The following NRXN1 variants were observed in gnomAD, a reference collection of about 807,000 sequenced individuals.
NRXN1 encodes the protein neurexin 1, also known as neurexin-1.
In NRXN1, 39 loss-of-function variants were observed where a neutral mutation model predicts 150.9. The ratio of observed to expected loss-of-function variants is 0.26; its 90% CI spans 0.20 to 0.34. The LOEUF (loss-of-function observed/expected upper bound fraction) is 0.34. Among genes scored for constraint, NRXN1 ranks in the 10% least tolerant of loss-of-function variants. NRXN1 has a pLI of 1.00. For synonymous variants in NRXN1, 924 were observed against 757.0 expected (o/e 1.22, Z -3.62); for missense variants, 1,815 against 1,949.9 (o/e 0.93, Z 1.30).
chr2:50,375,286 T>C (rs955017792), intron 17 of NRXN1, among the ~76,000 whole-genome samples: 15 of 151,718 alleles, frequency 9.9e-5, no homozygotes, highest in African/African-American at 3.1e-4. Context: ...ATGATAGTAA[T>C]TTACCTAACT....
chr2:50,510,369 C>T (rs1386145245), intron 12 of NRXN1, among the ~76,000 whole-genome samples: 1 of 150,744 alleles, frequency 6.6e-6, no homozygotes, highest in Non-Finnish European at 1.5e-5. Context: ...ACCCGTAATC[C>T]CAGCTACTCA....
At chr2:50,900,851 C>A (rs1682837687) in intron 5 of NRXN1, among the ~76,000 whole-genome samples, 1 of 152,150 alleles carries the variant, frequency 6.6e-6, no homozygotes, top group Non-Finnish European at 1.5e-5. Flanking sequence ...CTGGATTAGA[C>A]TGAGCTCACT....
intron 18 of NRXN1, among the ~76,000 whole-genome samples, chr2:50,124,357 G>T (rs1019827145): frequency 6.6e-6 from 1 of 152,074 alleles, no homozygotes; most frequent in Non-Finnish European, 1.5e-5. Flanking sequence ...AGTCAAATTT[G>T]AAAGTTATTT....
chr2:50,366,405 A>G (rs2079586712), intron 17 of NRXN1, among the ~76,000 whole-genome samples: 1 of 151,874 alleles, frequency 6.6e-6, no homozygotes, highest in Non-Finnish European at 1.5e-5. Flanking sequence ...TCCTTGGCTC[A>G]CTAGATGGGG....
intron 19 of NRXN1, among the ~76,000 whole-genome samples, chr2:50,063,547 GACACACACACACAC>G (rs3046664): frequency 2.7e-4 from 37 of 137,598 alleles, no homozygotes; most frequent in African/African-American, 8.7e-4. Context: ...CACCTCAACA[GACACACACACACAC>G]ACACACACAC....
intron 16 of NRXN1, among the ~76,000 whole-genome samples, chr2:50,470,416 T>C (rs2089345979): frequency 6.6e-6 from 1 of 151,776 alleles, no homozygotes; most frequent in African/African-American, 2.4e-5. Flanking sequence ...AAAAATGAAC[T>C]CAACAACACC....
At chr2:51,022,503 T>C (rs1275513750) in intron 2 of NRXN1, among the ~76,000 whole-genome samples, 1 of 152,182 alleles carries the variant, frequency 6.6e-6, no homozygotes, top group Non-Finnish European at 1.5e-5. Flanking sequence ...GTTTTTATTA[T>C]TACCTCATAG....
intron 17 of NRXN1, among the ~76,000 whole-genome samples, chr2:50,313,124 A>T (rs1165608636): frequency 1.3e-5 from 2 of 152,102 alleles, no homozygotes; most frequent in East Asian, 3.9e-4. Context: ...TTTTTTTCTG[A>T]TGAAGTCGAC....
intron 5 of NRXN1, among the ~76,000 whole-genome samples, chr2:50,844,600 AT>A (rs1339740328): frequency 6.6e-6 from 1 of 152,220 alleles, no homozygotes; most frequent in Non-Finnish European, 1.5e-5. Flanking sequence ...GTGTGTGCAG[AT>A]TAGTGGGAAA....
At chr2:50,176,644 G>T (rs891605064) in intron 18 of NRXN1, among the ~76,000 whole-genome samples, 2 of 152,038 alleles carry the variant, frequency 1.3e-5, no homozygotes, top group African/African-American at 4.8e-5. Flanking sequence ...GGCATATAAA[G>T]GTCTGGAAAT....
At chr2:50,712,630 A>G (rs1241119399) in intron 5 of NRXN1, among the ~76,000 whole-genome samples, 2 of 152,184 alleles carry the variant, frequency 1.3e-5, no homozygotes, top group African/African-American at 4.8e-5. Flanking sequence ...TTGTCTGTTA[A>G]TACCAAAAAT....
chr2:50,994,304 T>A (rs1698964882), intron 2 of NRXN1, among the ~76,000 whole-genome samples: 1 of 151,988 alleles, frequency 6.6e-6, no homozygotes, highest in African/African-American at 2.4e-5. Flanking sequence ...AAGGCTACAT[T>A]TCCATTATAT....
chr2:50,911,756 CA>C (rs1454571269), intron 5 of NRXN1, among the ~76,000 whole-genome samples: 1 of 151,882 alleles, frequency 6.6e-6, no homozygotes, highest in African/African-American at 2.4e-5. Flanking sequence ...GTGGGCATTA[CA>C]TACAAAGTTT....
chr2:50,885,901 T>A (rs1003742286), intron 5 of NRXN1, among the ~76,000 whole-genome samples: 1 of 150,536 alleles, frequency 6.6e-6, no homozygotes, highest in South Asian at 2.1e-4. Context: ...AGAAGTACAT[T>A]TTAGTTAATT....
rs201847846 is a variant in NRXN1, at chr2:51,028,198, C to G, written c.76G>C (p.Glu26Gln). 10 of 1,495,404 alleles carry G rather than the reference C, an allele frequency of 6.7e-6. No homozygotes were observed. Among genetic ancestry groups the G allele is most frequent in the Non-Finnish European group, 8.9e-6 (10 of 1,128,396 alleles). The allele number at this position is 1,495,404 out of a possible 1,614,324, so 92.6% of individuals were successfully genotyped here. ...GGAAACTCCAGCCCGCTGCCCAGCT[C>G]CGCCCAGCAGCCCAGGAGCAGCAGC... Reference protein sequence around the residue: ...LSLLLLGCWAELGSGLEFPGA... With the variant: ...LSLLLLGCWAQLGSGLEFPGA... The change falls in exon 2 of 23, where the codon GAG becomes CAG. Residue 26 changes from glutamate (E) to glutamine (Q), a missense_variant. Glu to Gln is a conservative substitution (Grantham distance 29). Transcript: ENST00000401669.
intron 22 of NRXN1, among the ~76,000 whole-genome samples, chr2:49,928,456 G>A (rs2104128222): frequency 6.6e-6 from 1 of 152,196 alleles, no homozygotes; most frequent in South Asian, 2.1e-4. Context: ...AATAGATGTG[G>A]AAGTTATTAT....
intron 17 of NRXN1, among the ~76,000 whole-genome samples, chr2:50,264,417 T>C (rs1457412196): frequency 6.6e-6 from 1 of 152,016 alleles, no homozygotes; most frequent in African/African-American, 2.4e-5. Flanking sequence ...GCAATATCCA[T>C]GTACAGGTAA....
At position 50,730,104 on chromosome 2, in the gene NRXN1, T is replaced by A. The variant is rs1261255562; in HGVS notation, c.833-106489A>T. Reference sequence around the variant, plus strand: ...TATTATTAATAGAAGCAGGCCAGTATCTAAAGGATGACATTGAAGAAGAGT... The same window carrying A: ...TATTATTAATAGAAGCAGGCCAGTAACTAAAGGATGACATTGAAGAAGAGT... On this transcript the variant is annotated intron_variant, in intron 5 of 22. Coordinates refer to ENST00000401669, the MANE Select transcript of NRXN1 (RefSeq NM_001330078.2). Among the ~76,000 whole-genome samples the A allele has an allele frequency of 2.0e-5, 3 of 152,158 alleles. No individual in the cohort carries two copies. The East Asian group carries it at 5.8e-4, about 29-fold the overall frequency.
intron 2 of NRXN1, among the ~76,000 whole-genome samples, chr2:50,980,265 G>C (rs976276013): frequency 1.3e-5 from 2 of 151,984 alleles, no homozygotes; most frequent in African/African-American, 4.8e-5. Context: ...CACTACATGT[G>C]CCTGAAGAAA....
Sources: allele counts gnomAD v4.1 joint callset (sites outside exome capture counted in the v4.1 genomes callset), GRCh38; gene constraint gnomAD v4.1.1; transcripts MANE v1.5; gene names NCBI Gene and HGNC (gene_info 2026-07-23, HGNC 2026-07-21).